MID1: variants seen among roughly 807,000 people sequenced by gnomAD.
MID1 encodes the protein midline 1.
MID1 carries 7 observed loss-of-function variants against 40.4 expected under a neutral mutation model. The observed-to-expected ratio is 0.17, with a 90% CI of 0.10 to 0.33. MID1 has a LOEUF of 0.33. Ranked by LOEUF, MID1 falls within the 10% of genes least tolerant of loss-of-function variation. MID1 has a pLI of 1.00. For synonymous variants in MID1, 229 were observed against 221.2 expected, an observed-to-expected ratio of 1.04 and a Z score of -0.31; for missense variants, 367 against 558.5, an observed-to-expected ratio of 0.66 and a Z score of 3.46.
At chrX:10,494,771 C>CAAAAAAAAAAAAAAAA (rs58092232) in intron 4 of MID1, among the ~76,000 whole-genome samples, 1 of 31,976 alleles carries the variant, frequency 3.1e-5, no homozygotes, top group Non-Finnish European at 7.1e-5. Context: ...AAGACTGTCT[C>CAAAAAAAAAAAAAAAA]AAAAAAAAAA....
At chrX:10,673,131 G>A (rs927656579) in intron 1 of MID1, among the ~76,000 whole-genome samples, 1 of 111,764 alleles carries the variant, frequency 8.9e-6, no homozygotes, top group Non-Finnish European at 1.9e-5. Flanking sequence ...CCAGACTAAT[G>A]CACTGATATA....
intron 7 of MID1, among the ~76,000 whole-genome samples, chrX:10,462,910 T>A (rs192309303): frequency 4.8e-3 from 540 of 112,072 alleles, no homozygotes; most frequent in Non-Finnish European, 6.2e-3. Flanking sequence ...GTAAAAATAG[T>A]ATATGTTTAA....
chrX:10,484,010 T>A (rs1226754248), intron 4 of MID1, among the ~76,000 whole-genome samples: 1 of 112,402 alleles, frequency 8.9e-6, no homozygotes, highest in Admixed American at 9.4e-5. Flanking sequence ...ATTATAATTA[T>A]AGTTACTGTC....
At chrX:10,469,020 T>C (rs993523698) in intron 7 of MID1, among the ~76,000 whole-genome samples, 1 of 112,239 alleles carries the variant, frequency 8.9e-6, no homozygotes, top group Non-Finnish European at 1.9e-5. Flanking sequence ...TGTATATTTC[T>C]TTCCAGTGGT....
chrX:10,456,580 T>A (rs892949284), intron 8 of MID1, among the ~76,000 whole-genome samples: 10 of 112,692 alleles, frequency 8.9e-5, no homozygotes, highest in Non-Finnish European at 3.7e-5. Context: ...CTCATGCCTG[T>A]AATGCCTGCA....
At chrX:10,761,675 T>C (rs1222892018) in intron 1 of MID1, among the ~76,000 whole-genome samples, 1 of 112,313 alleles carries the variant, frequency 8.9e-6, no homozygotes, top group East Asian at 2.8e-4. Context: ...AAGAGGAGGA[T>C]GACAAGGACT....
At chrX:10,598,557 G>C (rs1374962682) in intron 1 of MID1, among the ~76,000 whole-genome samples, 1 of 112,224 alleles carries the variant, frequency 8.9e-6, no homozygotes, top group Non-Finnish European at 1.9e-5. Context: ...TGCTGAGAAC[G>C]TTTCCTGACT....
chrX:10,465,210 T>TACACACACACACACACAC (rs1402990604), intron 7 of MID1, among the ~76,000 whole-genome samples: 2 of 62,070 alleles, frequency 3.2e-5, no homozygotes, highest in African/African-American at 1.8e-4. Flanking sequence ...TATATATATA[T>TACACACACACACACACAC]ATATACACAC....
chrX:10,818,414 C>A (rs1305678214), intron 1 of MID1, among the ~76,000 whole-genome samples: 1 of 112,649 alleles, frequency 8.9e-6, no homozygotes, highest in African/African-American at 3.2e-5. Flanking sequence ...ATTAAATGGA[C>A]AAGGTGATAG....
chrX:10,513,997 A>G (rs1932282243), intron 3 of MID1, among the ~76,000 whole-genome samples: 1 of 112,047 alleles, frequency 8.9e-6, no homozygotes, highest in African/African-American at 3.2e-5. Flanking sequence ...GGAGCACAAT[A>G]AGATATATCA....
chrX:10,748,144 C>T (rs1216884259), intron 1 of MID1, among the ~76,000 whole-genome samples: 1 of 110,735 alleles, frequency 9.0e-6, no homozygotes, highest in East Asian at 2.8e-4. Flanking sequence ...CTTCTCCCAC[C>T]CAGCTGGCCT....
chrX:10,821,154 T>C (rs1435370458), intron 1 of MID1, among the ~76,000 whole-genome samples: 1 of 111,989 alleles, frequency 8.9e-6, no homozygotes, highest in East Asian at 2.8e-4. Flanking sequence ...AGCATTTTTA[T>C]AAATATTAAG....
chrX:10,516,607 TGTGCGC>T (rs1266784481), intron 3 of MID1, among the ~76,000 whole-genome samples: 1,752 of 53,480 alleles, frequency 0.033, 69 homozygotes, highest in African/African-American at 0.16. Context: ...TGTGTGTGTG[TGTGCGC>T]GCGCGCACGC....
chrX:10,472,604 T>C (rs747948659), intron 6 of MID1, among the ~76,000 whole-genome samples: 2 of 112,630 alleles, frequency 1.8e-5, no homozygotes, highest in South Asian at 7.4e-4. Flanking sequence ...GTAACACAGA[T>C]ACAGCCCACC....
intron 1 of MID1, among the ~76,000 whole-genome samples, chrX:10,647,281 A>T (rs181960108): frequency 9.3e-4 from 104 of 111,781 alleles, no homozygotes; most frequent in African/African-American, 3.3e-3. Flanking sequence ...CATTGTTACC[A>T]CCACCACATC....
chrX:10,543,184 G>T (rs1004706936), intron 2 of MID1, among the ~76,000 whole-genome samples: 4 of 112,133 alleles, frequency 3.6e-5, no homozygotes, highest in Non-Finnish European at 7.5e-5. Flanking sequence ...ATCAACGATG[G>T]TCCTATCATT....
intron 1 of MID1, among the ~76,000 whole-genome samples, chrX:10,606,393 A>G (rs1935626604): frequency 1.8e-5 from 2 of 111,415 alleles, no homozygotes; most frequent in South Asian, 7.4e-4. Context: ...AATTTATATA[A>G]TAATTATTGT....
chrX:10,797,897 T>C (rs1569172810), intron 1 of MID1, among the ~76,000 whole-genome samples: 1 of 111,951 alleles, frequency 8.9e-6, no homozygotes, highest in East Asian at 2.8e-4. Flanking sequence ...CTCCAGACTT[T>C]GCCCATCAGC....
intron 1 of MID1, among the ~76,000 whole-genome samples, chrX:10,592,122 T>A (rs1268574108): frequency 9.2e-6 from 1 of 108,278 alleles, no homozygotes; most frequent in East Asian, 2.9e-4. Flanking sequence ...CAAATGATAA[T>A]TTGGCTGAAT....
Sources: gnomAD v4.1 joint callset for allele counts (sites outside exome capture counted in the v4.1 genomes callset) on GRCh38, gnomAD v4.1.1 for gene constraint, MANE v1.5 for transcripts, NCBI Gene and HGNC (gene_info 2026-07-23, HGNC 2026-07-21) for gene names.